Variants in BRI3BP observed in about 807,000 individuals in gnomAD.
BRI3BP encodes the protein BRI3-binding protein.
Under a neutral mutation model 15.8 loss-of-function variants are expected in BRI3BP, and 7 were observed. That is an observed-to-expected ratio of 0.44 (90% CI 0.25 to 0.83). The LOEUF (loss-of-function observed/expected upper bound fraction) is 0.83, where lower values mean the gene tolerates loss of function less well. Ranked by LOEUF, BRI3BP falls within the 40% of genes least tolerant of loss-of-function variation. The pLI, the probability that BRI3BP is intolerant of heterozygous loss-of-function variation, is 0.20. For synonymous variants in BRI3BP, 192 were observed against 163.5 expected (o/e 1.17, Z -1.33); for missense variants, 320 against 339.3 (o/e 0.94, Z 0.45).
At chr12:125,021,107 C>G (rs995181975) in intron 2 of BRI3BP, among the ~76,000 whole-genome samples, 1 of 152,158 alleles carries the variant, frequency 6.6e-6, no homozygotes. Context: ...AAAGTCAGCT[C>G]CCAAGTCAAC....
chr12:125,044,158 TTG>T, the BRI3BP span, among the ~76,000 whole-genome samples: 2 of 147,336 alleles, frequency 1.4e-5, no homozygotes, highest in Non-Finnish European at 3.0e-5. Context: ...GGTTGTTTTT[TTG>T]TGTGTTTTTT....
chr12:125,024,312 C>T (rs1431899651), intron 2 of BRI3BP, among the ~76,000 whole-genome samples: 12 of 104,496 alleles, frequency 1.1e-4, no homozygotes, highest in Admixed American at 5.7e-4. Context: ...CCCCATGATC[C>T]AATCACCCCC....
At chr12:125,047,651 C>A in the BRI3BP span, among the ~76,000 whole-genome samples, 1 of 152,000 alleles carries the variant, frequency 6.6e-6, no homozygotes, top group Non-Finnish European at 1.5e-5. Flanking sequence ...GCTGGGATTA[C>A]AGGCATAAGC....
intron 2 of BRI3BP, among the ~76,000 whole-genome samples, chr12:125,021,822 C>T (rs1272273963): frequency 6.6e-6 from 1 of 152,154 alleles, no homozygotes; most frequent in Non-Finnish European, 1.5e-5. Context: ...GATCCAATCA[C>T]CTCCTACCAG....
intron 1 of BRI3BP, among the ~76,000 whole-genome samples, chr12:124,995,217 A>T (rs1216821387): frequency 6.6e-6 from 1 of 152,124 alleles, no homozygotes; most frequent in African/African-American, 2.4e-5. Flanking sequence ...GTCTTCATAC[A>T]TGTAGGGGAG....
chr12:125,009,992 C>T (rs1454300933), intron 1 of BRI3BP, among the ~76,000 whole-genome samples: 1 of 152,004 alleles, frequency 6.6e-6, no homozygotes, highest in African/African-American at 2.4e-5. Context: ...ATTCCAGCTA[C>T]TCAGGAGGCT....
rs371281998 is a variant in BRI3BP at position 125,024,999 on chromosome 12, C to T, written c.325C>T (p.Leu109=). 1.6e-5 allele frequency: 25 copies of T among 1,612,042 alleles called. No individual in the cohort carries two copies. The Middle Eastern group carries it at 4.9e-4, about 32-fold the overall frequency. The part of the protein sequence containing the change: ...LDVLGLDVSN[L]SQYFSPASVS... ...TCTTTTCTGTCCCGCAGTCTCCAAC[C>T]TGTCCCAGTATTTCAGCCCAGCCTC... is the stretch of plus-strand genomic sequence containing the variant. Residue 109 remains leucine, a synonymous_variant, in exon 3 of 3, where the codon CTG becomes TTG. Transcript: ENST00000341446.
intron 1 of BRI3BP, 75 bp from the exon 2 acceptor site, chr12:125,012,459 C>A: frequency 7.9e-7 from 1 of 1,258,756 alleles, no homozygotes; most frequent in East Asian, 2.3e-5. Context: ...TATAAACTCC[C>A]AAGCTCCCCA....
In BRI3BP at chr12:125,025,489, G is replaced by A. The variant is rs986766732; in HGVS notation, c.*59G>A. On this transcript the variant is annotated 3_prime_UTR_variant, in exon 3 of 3. Transcript: ENST00000341446. ...GCACGCTGTCTCAGAAAACGAAAAC[G>A]GAGGAAAAAAACCCCAAACCCCAAA... 8 of 1,428,818 alleles carry A rather than the reference G, an allele frequency of 5.6e-6. No individual in the cohort carries two copies. The highest frequency in any genetic ancestry group is 2.7e-5 in the Admixed American group (1 of 36,518). 88.5% of individuals were successfully genotyped at this position (1,428,818 alleles called of 1,614,324 possible). A position where few individuals can be genotyped will look rare whatever the true frequency, so the allele number is the denominator to read the frequency against.
intron 2 of BRI3BP, among the ~76,000 whole-genome samples, chr12:125,020,113 T>C (rs1955284085): frequency 6.6e-6 from 1 of 151,756 alleles, no homozygotes; most frequent in Admixed American, 6.6e-5. Flanking sequence ...CCGGCTAATT[T>C]TGTATTTTTT....
intron 2 of BRI3BP, among the ~76,000 whole-genome samples, chr12:125,022,541 A>ATTTATTTTTTTTTTTTTT: frequency 3.8e-4 from 53 of 139,426 alleles, no homozygotes; most frequent in African/African-American, 3.2e-4. Flanking sequence ...TTATTTATTT[A>ATTTATTTTTTTTTTTTTT]TTTTTTGAGA....
intron 1 of BRI3BP, among the ~76,000 whole-genome samples, chr12:125,001,123 C>T (rs1299699476): frequency 6.6e-6 from 1 of 151,930 alleles, no homozygotes; most frequent in East Asian, 1.9e-4. Flanking sequence ...GGCGCGATCT[C>T]GGCCCACTGC....
downstream of BRI3BP, among the ~76,000 whole-genome samples, chr12:125,033,830 T>C (rs540221859): frequency 5.3e-4 from 81 of 151,528 alleles, no homozygotes; most frequent in African/African-American, 1.9e-3. Context: ...GCAACCTCCA[T>C]CTCCACGGTT....
At chr12:124,997,097 A>T (rs974613950) in intron 1 of BRI3BP, among the ~76,000 whole-genome samples, 6 of 149,950 alleles carry the variant, frequency 4.0e-5, no homozygotes. Context: ...AAATACACCT[A>T]TGACCATCCT....
At chr12:125,008,826 C>T (rs1245995509) in intron 1 of BRI3BP, among the ~76,000 whole-genome samples, 2 of 152,064 alleles carry the variant, frequency 1.3e-5, no homozygotes, top group African/African-American at 4.8e-5. Flanking sequence ...AGTGGGAGCA[C>T]TGAGCTTGTT....
chr12:124,994,929 G>C (rs1261164564), intron 1 of BRI3BP, among the ~76,000 whole-genome samples: 2 of 152,122 alleles, frequency 1.3e-5, no homozygotes, highest in Non-Finnish European at 2.9e-5. Flanking sequence ...CTTTGAGCTT[G>C]TTTCTTTATT....
chr12:125,044,801 T>G, the BRI3BP span, among the ~76,000 whole-genome samples: 1 of 152,086 alleles, frequency 6.6e-6, no homozygotes, highest in East Asian at 1.9e-4. Context: ...AGACAGAGTC[T>G]TGCTATGTCA....
At chr12:125,021,907 T>C (rs1374369178) in intron 2 of BRI3BP, among the ~76,000 whole-genome samples, 2 of 151,872 alleles carry the variant, frequency 1.3e-5, no homozygotes, top group South Asian at 4.2e-4. Flanking sequence ...ACCACTTCAC[T>C]GTCTCTACAA....
At chr12:125,014,299 T>TGGTCCCA (rs1301019099) in intron 2 of BRI3BP, among the ~76,000 whole-genome samples, 22 of 152,314 alleles carry the variant, frequency 1.4e-4, no homozygotes, top group African/African-American at 4.8e-4. Flanking sequence ...CCCTGGTCCC[T>TGGTCCCA]GGTCCCAGCT....
Sources: gnomAD v4.1 joint callset for allele counts (sites outside exome capture counted in the v4.1 genomes callset) on GRCh38, gnomAD v4.1.1 for gene constraint, MANE v1.5 for transcripts, NCBI Gene and HGNC (gene_info 2026-07-23, HGNC 2026-07-21) for gene names.